Variants in DIS3L2 observed in about 807,000 individuals in gnomAD.
DIS3L2 encodes DIS3 like 3'-5' exoribonuclease 2.
In DIS3L2, 34 loss-of-function variants were observed where a neutral mutation model predicts 97.5. The ratio of observed to expected loss-of-function variants is 0.35; its 90% CI spans 0.27 to 0.46. The LOEUF is 0.46. Among genes scored for constraint, DIS3L2 ranks in the 20% least tolerant of loss-of-function variants. The pLI is 1.00. For synonymous variants in DIS3L2, 435 were observed against 445.2 expected (o/e 0.98, Z 0.29); for missense variants, 1,038 against 1,146.0 (o/e 0.91, Z 1.36).
intron 9 of DIS3L2, among the ~76,000 whole-genome samples, chr2:232,202,830 T>C (rs1224422103): frequency 6.6e-6 from 1 of 152,212 alleles, no homozygotes; most frequent in African/African-American, 2.4e-5. Context: ...TTAGCATCTT[T>C]TGTGTGAGTA....
chr2:232,074,195 A>AT (rs1337815298), intron 5 of DIS3L2, among the ~76,000 whole-genome samples: 1 of 152,224 alleles, frequency 6.6e-6, no homozygotes, highest in Non-Finnish European at 1.5e-5. Context: ...TTTATCTTGT[A>AT]TCTCTTACAG....
intron 12 of DIS3L2, chr2:232,260,631 A>G (rs1035413487): frequency 6.6e-6 from 1 of 152,262 alleles, no homozygotes; most frequent in African/African-American, 2.4e-5. Flanking sequence ...AAGAAAAGTT[A>G]AAGTCAGTGA....
intron 10 of DIS3L2, among the ~76,000 whole-genome samples, chr2:232,229,783 AG>A (rs1330929029): frequency 6.6e-6 from 1 of 152,194 alleles, no homozygotes; most frequent in African/African-American, 2.4e-5. Flanking sequence ...TGAAGGGAAA[AG>A]GTTCTTGAAG....
intron 5 of DIS3L2, among the ~76,000 whole-genome samples, chr2:232,065,121 A>T (rs1695818382): frequency 6.6e-6 from 1 of 152,074 alleles, no homozygotes; most frequent in African/African-American, 2.4e-5. Context: ...AAGAACACTT[A>T]ACTTGATCTA....
At chr2:232,343,762 C>T in exon 14 of DIS3L2, 1 of 619,568 alleles carries the variant, frequency 1.6e-6, no homozygotes, top group East Asian at 2.9e-5. Context: ...ATACCCTCTT[C>T]AGCCTTGCAG....
At position 232,016,473 on chromosome 2, in the gene DIS3L2, G is replaced by A. The variant is rs115421699; in HGVS notation, c.210+802G>A. Among the ~76,000 whole-genome samples the A allele has an allele frequency of 6.6e-5, 10 of 152,276 alleles. 1 individual carries two copies. Among genetic ancestry groups the A allele is most frequent in the Middle Eastern group, 6.8e-3 (2 of 294 alleles). On this transcript the variant is annotated intron_variant, in intron 3 of 20. Coordinates refer to ENST00000325385, the MANE Select transcript of DIS3L2 (RefSeq NM_152383.5). ...ATATGGCAAAATATTGGGGGGAAATGGGGAAACTGTGTAGGCTGAGGTTCT... is the reference window on the plus strand; with the variant it reads ...ATATGGCAAAATATTGGGGGGAAATAGGGAAACTGTGTAGGCTGAGGTTCT...
intron 10 of DIS3L2, among the ~76,000 whole-genome samples, chr2:232,223,727 G>A (rs1050034823): frequency 6.6e-6 from 1 of 152,162 alleles, no homozygotes; most frequent in Non-Finnish European, 1.5e-5. Context: ...ATAATCCCTG[G>A]CACTTAGAAT....
intron 6 of DIS3L2, among the ~76,000 whole-genome samples, chr2:232,092,202 T>G (rs989056772): frequency 3.3e-5 from 5 of 152,160 alleles, no homozygotes; most frequent in Non-Finnish European, 7.4e-5. Context: ...ATGAGTTCAC[T>G]GTGGATGTAT....
In DIS3L2 at chr2:232,056,391, AAC is replaced by A. The variant is rs574247270; in HGVS notation, c.366+26313_366+26314del. Among the ~76,000 whole-genome samples the A allele has an allele frequency of 2.1e-3, 323 of 152,126 alleles. 9 individuals carry two copies. The East Asian group carries it at 0.059, about 28-fold the overall frequency. On this transcript the variant is annotated intron_variant, in intron 5 of 20. Coordinates refer to ENST00000325385, the MANE Select transcript of DIS3L2 (RefSeq NM_152383.5). ...AAACAACAACAACAACAACAACAAC[AAC>A]AACAAACAAAAAACAGTAACCATGA...
intron 1 of DIS3L2, among the ~76,000 whole-genome samples, chr2:231,964,598 A>G (rs879351634): frequency 1.6e-4 from 24 of 152,206 alleles, no homozygotes; most frequent in Admixed American, 4.6e-4. Flanking sequence ...ATGATGATGG[A>G]GCTAAAACTG....
Position 232,293,822 on chromosome 2 carries a change from G to A in DIS3L2, c.1660-6218G>A, listed in dbSNP as rs1694660020. Among the ~76,000 whole-genome samples, 1 of 152,234 alleles carries A rather than the reference G, an allele frequency of 6.6e-6. No homozygotes were observed. Among genetic ancestry groups the A allele is most frequent in the African/African-American group, 2.4e-5 (1 of 41,450 alleles). On this transcript the variant is annotated intron_variant, in intron 13 of 20. Coordinates refer to ENST00000325385, the MANE Select transcript of DIS3L2 (RefSeq NM_152383.5). This position sits in a 1 kb window ranked among gnomAD's most constrained non-coding sequence, Gnocchi z 4.6. ...GCCGTCAAAGGTACTAAAGAGGGAAGTGTTACCAGGTTTATGCTTCAGGAA... is the reference window on the plus strand; with the variant it reads ...GCCGTCAAAGGTACTAAAGAGGGAAATGTTACCAGGTTTATGCTTCAGGAA...
chr2:232,130,679 C>T lies in DIS3L2; in HGVS notation c.662C>T (p.Thr221Ile). 6.2e-7 allele frequency: 1 copy of T among 1,613,950 alleles called. No homozygotes were observed. The highest frequency in any genetic ancestry group is 2.2e-5 in the East Asian group (1 of 44,872). ...GAGACCACCTGCATTTCACAAGACA[C>T]AAGAGCTTTATCGGAGAAATCCCTG... ...KDETTCISQD[T>I]RALSEKSLQR... The change falls in exon 7 of 21, where the codon ACA (threonine) becomes ATA (isoleucine). Residue 221 changes from threonine (T) to isoleucine (I), a missense_variant. Coordinates refer to ENST00000325385, the MANE Select transcript of DIS3L2 (RefSeq NM_152383.5).
intron 5 of DIS3L2, among the ~76,000 whole-genome samples, chr2:232,071,555 T>C (rs192309386): frequency 6.6e-6 from 1 of 151,730 alleles, no homozygotes; most frequent in Non-Finnish European, 1.5e-5. Flanking sequence ...AACCTGTTAT[T>C]GAGCTGGTGG....
At chr2:232,021,600 A>G (rs1286968532) in intron 3 of DIS3L2, among the ~76,000 whole-genome samples, 1 of 152,010 alleles carries the variant, frequency 6.6e-6, no homozygotes, top group East Asian at 1.9e-4. Context: ...TCCCAAAAAT[A>G]TATATAGTAG....
intron 5 of DIS3L2, among the ~76,000 whole-genome samples, chr2:232,079,599 CAAAAAAA>C (rs760870721): frequency 4.4e-4 from 13 of 29,614 alleles, no homozygotes; most frequent in East Asian, 1.6e-3. Flanking sequence ...GACTCTATCT[CAAAAAAA>C]AAAAAAAAAA....
At chr2:232,320,245 A>G (rs1410139912) in intron 14 of DIS3L2, among the ~76,000 whole-genome samples, 3 of 152,190 alleles carry the variant, frequency 2.0e-5, no homozygotes, top group African/African-American at 7.2e-5. Context: ...GTGTGTCAAT[A>G]TTTTAAAAGT....
chr2:232,330,626 AG>A, intron 15 of DIS3L2, 63 bp from the exon 16 acceptor site: 1 of 1,534,110 alleles, frequency 6.5e-7, no homozygotes, highest in Non-Finnish European at 9.0e-7. Flanking sequence ...AGCGGATGAC[AG>A]GGCCCAGAGT....
chr2:232,190,937 G>A (rs944706507), intron 9 of DIS3L2, among the ~76,000 whole-genome samples: 1 of 152,182 alleles, frequency 6.6e-6, no homozygotes, highest in African/African-American at 2.4e-5. Context: ...ACAAGGGTGA[G>A]TTACCCTGTG....
chr2:232,074,501 A>AT (rs1290658307), intron 5 of DIS3L2, among the ~76,000 whole-genome samples: 2 of 151,934 alleles, frequency 1.3e-5, no homozygotes, highest in Non-Finnish European at 2.9e-5. Context: ...AATGAATGTA[A>AT]TGTGGTTTAC....
Sources: allele counts gnomAD v4.1 joint callset (sites outside exome capture counted in the v4.1 genomes callset), GRCh38; gene constraint gnomAD v4.1.1; non-coding constraint Gnocchi (gnomAD v3.1); transcripts MANE v1.5; gene names NCBI Gene and HGNC (gene_info 2026-07-23, HGNC 2026-07-21).